The following TMEM209 variants were observed in gnomAD, a reference collection of about 807,000 sequenced individuals.
TMEM209 encodes the protein testicular tissue protein Li 202.
In TMEM209, 65 loss-of-function variants were observed where a neutral mutation model predicts 76.2. The ratio of observed to expected loss-of-function variants is 0.85; its 90% confidence interval spans 0.70 to 1.05. The LOEUF (loss-of-function observed/expected upper bound fraction) is 1.05, where lower values mean the gene tolerates loss of function less well. Among genes scored for constraint, TMEM209 ranks in the 50% least tolerant of loss-of-function variants. TMEM209 has a pLI of 0.00. For missense variants in TMEM209, 623 were observed against 685.5 expected (o/e 0.91, Z 1.02); for synonymous variants, 239 against 237.6 (o/e 1.01, Z -0.06).
chr7:130,184,229 T>C lies in TMEM209; in HGVS notation c.978A>G (p.Arg326=), dbSNP rs748711697. 1.6e-5 allele frequency: 26 copies of C among 1,608,004 alleles called. No individual in the cohort carries two copies. The highest frequency in any genetic ancestry group is 1.2e-4 in the Admixed American group (7 of 59,534). The change falls in exon 8 of 15, where the codon AGA becomes AGG. Residue 326 remains arginine, a synonymous_variant. Transcript: ENST00000397622. ...EEVWARVAMN[R]QLLDHMDSWT... ...ATGAATCCATATGATCAAGAAGTTG[T>C]CTATTCATAGCCACTCTTGCCCAGA...
At chr7:130,187,122 A>G (rs1192849710) in intron 6 of TMEM209, among the ~76,000 whole-genome samples, 1 of 151,956 alleles carries the variant, frequency 6.6e-6, no homozygotes, top group Admixed American at 6.6e-5. Flanking sequence ...GCATGCCTGT[A>G]ATCCCAGCTA....
intron 7 of TMEM209, among the ~76,000 whole-genome samples, chr7:130,184,494 CTTT>C (rs67295320): frequency 2.5e-4 from 29 of 118,092 alleles, no homozygotes; most frequent in Non-Finnish European, 2.6e-4. Context: ...ATTTTTCTTG[CTTT>C]TTTTTTTTTT....
At chr7:130,168,093 C>T (rs1480022539) in intron 14 of TMEM209, among the ~76,000 whole-genome samples, 1 of 152,032 alleles carries the variant, frequency 6.6e-6, no homozygotes, top group Non-Finnish European at 1.5e-5. Context: ...CCACTAAGCA[C>T]TTTTTCATTT....
intron 5 of TMEM209, among the ~76,000 whole-genome samples, chr7:130,193,495 C>T (rs1797867478): frequency 6.6e-6 from 1 of 151,334 alleles, no homozygotes; most frequent in Admixed American, 6.6e-5. Context: ...GCCAAGATCG[C>T]GCGACTGCAC....
At chr7:130,167,992 T>C (rs1272380830) in intron 14 of TMEM209, among the ~76,000 whole-genome samples, 2 of 152,208 alleles carry the variant, frequency 1.3e-5, no homozygotes, top group Non-Finnish European at 2.9e-5. Context: ...AAGTTGCTCA[T>C]TAAGAGAATA....
chr7:130,183,385 A>G (rs1255408525), intron 8 of TMEM209, among the ~76,000 whole-genome samples: 1 of 152,238 alleles, frequency 6.6e-6, no homozygotes, highest in Non-Finnish European at 1.5e-5. Context: ...GGGTTCAGGA[A>G]TTATCCATAA....
At chr7:130,188,406 C>A (rs192144824) in intron 6 of TMEM209, among the ~76,000 whole-genome samples, 13 of 151,934 alleles carry the variant, frequency 8.6e-5, no homozygotes, top group Non-Finnish European at 1.6e-4. Context: ...ACCATCCTGG[C>A]TAACATGGTG....
rs192887829 is a variant in TMEM209 at position 130,184,024 on chromosome 7, C to T, written c.1023+160G>A. 9.8e-4 allele frequency among the ~76,000 whole-genome samples: 149 copies of T among 152,052 alleles called. 1 individual carries two copies. The highest frequency in any genetic ancestry group is 3.3e-3 in the African/African-American group (138 of 41,476). ...AAAAAAATCTCATGAAAATAAATAC[C>T]ATATAGTAACAGTCATGTTTATCCT... On this transcript the variant is annotated intron_variant, in intron 8 of 14. Coordinates refer to ENST00000397622, the MANE Select transcript of TMEM209 (RefSeq NM_032842.4).
intron 9 of TMEM209, among the ~76,000 whole-genome samples, chr7:130,180,852 C>T (rs979608911): frequency 6.6e-6 from 1 of 152,152 alleles, no homozygotes; most frequent in African/African-American, 2.4e-5. Flanking sequence ...ACCCCATACA[C>T]GCTGGTGGGA....
chr7:130,178,667 G>A, intron 9 of TMEM209, 140 bp from the exon 10 acceptor site: 1 of 895,362 alleles, frequency 1.1e-6, no homozygotes, highest in Non-Finnish European at 1.6e-6. Context: ...CGTCTCCCCT[G>A]ACGACCCTAC....
Position 130,205,129 on chromosome 7 carries a change from C to G in TMEM209, c.3+244G>C, listed in dbSNP as rs895852911. The G allele has an allele frequency of 3.5e-6, 5 of 1,446,532 alleles. No individual in the cohort carries two copies. The African/African-American group carries it at 5.7e-5, about 16-fold the overall frequency. The allele number at this position is 1,446,532 out of a possible 1,614,324, so 89.6% of individuals were successfully genotyped here. On this transcript the variant is annotated intron_variant, in intron 1 of 14. Coordinates refer to ENST00000397622, the MANE Select transcript of TMEM209 (RefSeq NM_032842.4). Reference sequence around the variant, plus strand: ...ACAAGCAGTCGTATCCCACAGAGGACAGAGCAATAGCTTTCGCGCCACTCA... The same window carrying G: ...ACAAGCAGTCGTATCCCACAGAGGAGAGAGCAATAGCTTTCGCGCCACTCA...
intron 5 of TMEM209, among the ~76,000 whole-genome samples, chr7:130,197,253 C>T (rs1798019776): frequency 6.6e-6 from 1 of 152,060 alleles, no homozygotes; most frequent in Non-Finnish European, 1.5e-5. Flanking sequence ...AGTGGATAAA[C>T]AAAATGTGGT....
At chr7:130,201,484 A>G (rs1477892587) in intron 5 of TMEM209, among the ~76,000 whole-genome samples, 1 of 152,188 alleles carries the variant, frequency 6.6e-6, no homozygotes, top group African/African-American at 2.4e-5. Flanking sequence ...ACACTCCAAC[A>G]TGATAAACCA....
At chr7:130,186,896 A>G (rs566402362) in intron 6 of TMEM209, among the ~76,000 whole-genome samples, 1 of 152,344 alleles carries the variant, frequency 6.6e-6, no homozygotes, top group African/African-American at 2.4e-5. Context: ...AGGAAACCAG[A>G]CAACCTAAAA....
intron 11 of TMEM209, 144 bp from the exon 12 acceptor site, chr7:130,174,083 G>T (rs1246326699): frequency 1.7e-6 from 1 of 572,242 alleles, no homozygotes; most frequent in Non-Finnish European, 3.1e-6. Context: ...GCTGTCAAAT[G>T]GTTAGATTTA....
chr7:130,201,728 T>A, intron 5 of TMEM209, 122 bp downstream of exon 5: 1 of 1,220,896 alleles, frequency 8.2e-7, no homozygotes, highest in Non-Finnish European at 1.1e-6. Flanking sequence ...GGTTTTTAAA[T>A]GGGTGTTCTG....
At chr7:130,195,940 A>G (rs1797956867) in intron 5 of TMEM209, among the ~76,000 whole-genome samples, 1 of 152,164 alleles carries the variant, frequency 6.6e-6, no homozygotes, top group African/African-American at 2.4e-5. Flanking sequence ...TAACAGGTAC[A>G]TATGATTACT....
chr7:130,165,614 C>T lies in TMEM209; in HGVS notation c.*837G>A, dbSNP rs1187358004. On this transcript the variant is annotated 3_prime_UTR_variant, in exon 15 of 15. Transcript: ENST00000397622. ...TCCTTTAATAATATTTTAAAATATA[C>T]ATAAACTTAATACATTACTTAAGAG... The T allele has an allele frequency of 6.7e-6, 1 of 148,404 alleles. No homozygotes were observed. The highest frequency in any genetic ancestry group is 6.8e-5 in the Admixed American group (1 of 14,794). The allele number at this position is 148,404 out of a possible 1,614,324, so 9.2% of individuals were successfully genotyped here. A position where few individuals can be genotyped will look rare whatever the true frequency, so the allele number is the denominator to read the frequency against.
intron 7 of TMEM209, 107 bp downstream of exon 7, chr7:130,185,085 T>C (rs1258424153): frequency 5.3e-6 from 7 of 1,319,408 alleles, no homozygotes; most frequent in Non-Finnish European, 7.1e-6. Context: ...CAGATTTACA[T>C]TTCTGTCCAA....
Sources: gnomAD v4.1 joint callset for allele counts (sites outside exome capture counted in the v4.1 genomes callset) on GRCh38, gnomAD v4.1.1 for gene constraint, MANE v1.5 for transcripts, NCBI Gene and HGNC (gene_info 2026-07-23, HGNC 2026-07-21) for gene names.